INVS: variants seen among roughly 807,000 people sequenced by gnomAD.
The protein encoded by INVS is inversion of embryo turning homolog.
INVS carries 86 observed loss-of-function variants against 108.8 expected under a neutral mutation model. The ratio of observed to expected loss-of-function variants is 0.79; its 90% CI spans 0.66 to 0.95. INVS has a LOEUF of 0.95. Among genes scored for constraint, INVS ranks in the 40% least tolerant of loss-of-function variants. The pLI is 0.00. For synonymous variants in INVS, 455 were observed against 473.5 expected (o/e 0.96, Z 0.51); for missense variants, 1,169 against 1,297.4 (o/e 0.90, Z 1.52).
intron 13 of INVS, among the ~76,000 whole-genome samples, chr9:100,291,870 G>A (rs1406519190): frequency 6.6e-6 from 1 of 152,150 alleles, no homozygotes; most frequent in Admixed American, 6.5e-5. Flanking sequence ...CTGGCTTCAT[G>A]TAGAGTCTTG....
chr9:100,175,393 C>CA (rs914271227), intron 3 of INVS: 18 of 856,606 alleles, frequency 2.1e-5, no homozygotes, highest in African/African-American at 2.0e-4. Flanking sequence ...AAGAGCACCG[C>CA]AAAAAAGGAA....
intron 3 of INVS, among the ~76,000 whole-genome samples, chr9:100,173,235 A>G (rs907165003): frequency 2.6e-5 from 4 of 152,206 alleles, no homozygotes; most frequent in Non-Finnish European, 1.5e-5. Flanking sequence ...GGAGGAATTG[A>G]AGAGTGACCA....
intron 3 of INVS, chr9:100,130,519 A>C (rs1828024557): frequency 6.6e-6 from 1 of 152,134 alleles, no homozygotes; most frequent in Non-Finnish European, 1.5e-5. Flanking sequence ...TGATTATACA[A>C]CTAGAGAGAA....
intron 2 of INVS, among the ~76,000 whole-genome samples, chr9:100,104,876 A>G (rs1004594814): frequency 2.0e-5 from 3 of 152,254 alleles, no homozygotes; most frequent in Non-Finnish European, 4.4e-5. Flanking sequence ...AGATATTCTA[A>G]GGTACTAAGG....
At chr9:100,241,360 T>A (rs1831866321) in intron 6 of INVS, among the ~76,000 whole-genome samples, 1 of 152,198 alleles carries the variant, frequency 6.6e-6, no homozygotes, top group South Asian at 2.1e-4. Context: ...CTATTTTTAT[T>A]TCCTTGTCTT....
At chr9:100,191,959 G>T (rs1830236088) in intron 3 of INVS, among the ~76,000 whole-genome samples, 1 of 152,064 alleles carries the variant, frequency 6.6e-6, no homozygotes, top group South Asian at 2.1e-4. Flanking sequence ...TGAGTTCCTT[G>T]GTTATAGAGA....
intron 6 of INVS, among the ~76,000 whole-genome samples, chr9:100,241,811 T>C (rs1431423782): frequency 6.6e-6 from 1 of 152,214 alleles, no homozygotes; most frequent in Non-Finnish European, 1.5e-5. Context: ...ATGCAGTATA[T>C]CCTTGCTCTG....
intron 5 of INVS, among the ~76,000 whole-genome samples, chr9:100,230,371 T>C (rs1049374002): frequency 1.3e-5 from 2 of 152,202 alleles, no homozygotes; most frequent in Admixed American, 1.3e-4. Flanking sequence ...CATTACCACA[T>C]TTATTTGTAT....
chr9:100,186,461 T>C (rs1830058992), intron 3 of INVS, among the ~76,000 whole-genome samples: 2 of 152,066 alleles, frequency 1.3e-5, no homozygotes, highest in Admixed American at 1.3e-4. Context: ...AGCCAGGTTG[T>C]ACTAATTTAC....
At chr9:100,128,120 GA>G (rs1395418426) in intron 3 of INVS, among the ~76,000 whole-genome samples, 1 of 152,142 alleles carries the variant, frequency 6.6e-6, no homozygotes, top group Non-Finnish European at 1.5e-5. Context: ...ACATCCTGTA[GA>G]AGTATTATAT....
At chr9:100,270,617 A>T (rs1832923072) in intron 11 of INVS, among the ~76,000 whole-genome samples, 1 of 151,924 alleles carries the variant, frequency 6.6e-6, no homozygotes, top group South Asian at 2.1e-4. Context: ...GTGTGATGGC[A>T]TGTGCCTGTA....
intron 3 of INVS, among the ~76,000 whole-genome samples, chr9:100,201,987 C>T (rs139679615): frequency 6.6e-6 from 1 of 152,126 alleles, no homozygotes; most frequent in African/African-American, 2.4e-5. Context: ...GGCCATAGTG[C>T]TTCTCATATT....
Position 100,272,930 on chromosome 9 carries a change from C to A in INVS, c.1638C>A (p.His546Gln), listed in dbSNP as rs758665047. 1 of 1,613,944 alleles carries A rather than the reference C, an allele frequency of 6.2e-7. No homozygotes were observed. Among genetic ancestry groups the A allele is most frequent in the South Asian group, 1.1e-5 (1 of 91,082 alleles). ...RHEVIQFMLE[H>Q]GALSIAAIQD... ...AAGTGATCCAGTTCATGTTGGAGCACGGTGCCCTGTCCATCGCAGCCATAC... is the reference window on the plus strand; with the variant it reads ...AAGTGATCCAGTTCATGTTGGAGCAAGGTGCCCTGTCCATCGCAGCCATAC... Residue 546 changes from histidine (H) to glutamine (Q), a missense_variant, in exon 12 of 17, where the codon CAC becomes CAA. Around this residue, in one of 3 missense-constraint regions of INVS, gnomAD observed 271 missense variants for 363.8 expected, o/e 0.74. Transcript: ENST00000262457.
At chr9:100,110,690 T>C (rs1364977784) in intron 2 of INVS, among the ~76,000 whole-genome samples, 1 of 152,222 alleles carries the variant, frequency 6.6e-6, no homozygotes, top group Non-Finnish European at 1.5e-5. Flanking sequence ...GGAAACCAGT[T>C]ATATTGAAAT....
At chr9:100,100,947 CATATATATTATATATATAATATATATTAT>C (rs1826940533) in intron 1 of INVS, among the ~76,000 whole-genome samples, 2 of 15,744 alleles carry the variant, frequency 1.3e-4, no homozygotes, top group Non-Finnish European at 2.0e-4. Flanking sequence ...AATATATATA[CATATATATTATATATATAATATATATTAT>C]ATATATAATA....
chr9:100,179,400 A>T (rs1829814234), intron 3 of INVS, among the ~76,000 whole-genome samples: 1 of 152,126 alleles, frequency 6.6e-6, no homozygotes, highest in South Asian at 2.1e-4. Flanking sequence ...GACCCATCTC[A>T]CGTGCAAAGA....
intron 5 of INVS, among the ~76,000 whole-genome samples, chr9:100,232,604 A>C (rs1388088176): frequency 6.6e-6 from 1 of 152,232 alleles, no homozygotes; most frequent in East Asian, 1.9e-4. Flanking sequence ...CATTTAGGAA[A>C]TAGGGAATCC....
intron 10 of INVS, among the ~76,000 whole-genome samples, chr9:100,256,497 A>G (rs1679258351): frequency 6.6e-6 from 1 of 152,012 alleles, no homozygotes; most frequent in South Asian, 2.1e-4. Context: ...AGTTCTTTTA[A>G]TTGTGATGCT....
chr9:100,140,332 G>GCAGTCGTCCCCACGTGATTAAACACC (rs1828384023), intron 3 of INVS, among the ~76,000 whole-genome samples: 1 of 152,128 alleles, frequency 6.6e-6, no homozygotes, highest in African/African-American at 2.4e-5. Context: ...GTAGGTAAAG[G>GCAGTCGTCCCCACGTGATTAAACACC]AAAATTACAG....
Sources: allele counts gnomAD v4.1 joint callset (sites outside exome capture counted in the v4.1 genomes callset), GRCh38; gene constraint gnomAD v4.1.1; regional missense constraint gnomAD v4.1.1; transcripts MANE v1.5; gene names NCBI Gene and HGNC (gene_info 2026-07-23, HGNC 2026-07-21).